HEPACAM: variants seen among roughly 807,000 people sequenced by gnomAD.
The protein encoded by HEPACAM is hepatic and glial cell adhesion molecule.
HEPACAM carries 18 observed loss-of-function variants against 38.3 expected under a neutral mutation model. The ratio of observed to expected loss-of-function variants is 0.47; its 90% CI spans 0.33 to 0.70. HEPACAM has a LOEUF of 0.70. Among genes scored for constraint, HEPACAM ranks in the 30% least tolerant of loss-of-function variants. HEPACAM has a pLI of 0.03. For synonymous variants in HEPACAM, 216 were observed against 243.1 expected (o/e 0.89, Z 1.04); for missense variants, 466 against 563.0 (o/e 0.83, Z 1.74).
intron 1 of HEPACAM, among the ~76,000 whole-genome samples, chr11:124,931,936 A>G (rs894842487): frequency 6.6e-6 from 1 of 152,240 alleles, no homozygotes; most frequent in African/African-American, 2.4e-5. Context: ...ATAAACTACG[A>G]CAACTTAGAT....
intron 1 of HEPACAM, among the ~76,000 whole-genome samples, chr11:124,933,010 C>T (rs750294546): frequency 7.2e-5 from 11 of 152,024 alleles, no homozygotes; most frequent in Non-Finnish European, 1.6e-4. Flanking sequence ...TTATTGGTCC[C>T]AGAAGCAAAC....
rs1947343025 is a variant in HEPACAM, at chr11:124,936,040, A to G, written c.-34T>C. 2.5e-6 allele frequency: 4 copies of G among 1,578,516 alleles called. No homozygotes were observed. The highest frequency in any genetic ancestry group is 3.5e-6 in the Non-Finnish European group (4 of 1,148,640). ...GCGTTCTCCAGCTCTAGTGCAGACA[A>G]TTAGCATGATTTCTCCACTCTGGGC... On this transcript the variant is annotated 5_prime_UTR_variant, in exon 1 of 7. Coordinates refer to ENST00000298251, the MANE Select transcript of HEPACAM (RefSeq NM_152722.5).
chr11:124,919,687 G>T lies in HEPACAM; in HGVS notation c.*1451C>A. ...GGCATGCTGTGGGGTTCAGGGCAGA[G>T]GGGGCAAACTAGAAATGTCAGTGCC... is the stretch of plus-strand genomic sequence containing the variant. On this transcript the variant is annotated 3_prime_UTR_variant, in exon 7 of 7. Coordinates refer to ENST00000298251, the MANE Select transcript of HEPACAM (RefSeq NM_152722.5). The T allele has an allele frequency of 6.4e-7, 1 of 1,573,846 alleles. No homozygotes were observed. The highest frequency in any genetic ancestry group is 8.6e-7 in the Non-Finnish European group (1 of 1,157,390).
chr11:124,924,662 C>T lies in HEPACAM; in HGVS notation c.427+66G>A, dbSNP rs955595927. The T allele has an allele frequency of 7.1e-5, 101 of 1,422,902 alleles. No individual in the cohort carries two copies. Among genetic ancestry groups the T allele is most frequent in the Non-Finnish European group, 8.6e-5 (87 of 1,007,990 alleles). The allele number at this position is 1,422,902 out of a possible 1,614,324, so 88.1% of individuals were successfully genotyped here. A position where few individuals can be genotyped will look rare whatever the true frequency, so the allele number is the denominator to read the frequency against. ...TGGTTTTCCCTCAGTCTAGCTGGTG[C>T]GCTGGGCAGACCTTTCCCTAGTCCC... On this transcript the variant is annotated intron_variant, in intron 2 of 6. Coordinates refer to ENST00000298251, the MANE Select transcript of HEPACAM (RefSeq NM_152722.5). This position sits in a 1 kb window ranked among gnomAD's most constrained non-coding sequence, Gnocchi z 4.4.
chr11:124,920,098 T>G lies in HEPACAM; in HGVS notation c.*1040A>C, dbSNP rs1021832211. 1 of 1,463,220 alleles carries G rather than the reference T, an allele frequency of 6.8e-7. No homozygotes were observed. Among genetic ancestry groups the G allele is most frequent in the African/African-American group, 1.4e-5 (1 of 70,916 alleles). 90.6% of individuals were successfully genotyped at this position (1,463,220 alleles called of 1,614,324 possible). On this transcript the variant is annotated 3_prime_UTR_variant, in exon 7 of 7. Coordinates refer to ENST00000298251, the MANE Select transcript of HEPACAM (RefSeq NM_152722.5). The stretch of plus-strand genomic sequence containing the variant: ...AGATGGGTGGCAGGAGGCCAGGGGT[T>G]GGATCATGTTCCCCCCAAATGCTGG...
chr11:124,931,824 G>A (rs921497153), intron 1 of HEPACAM, among the ~76,000 whole-genome samples: 1 of 152,206 alleles, frequency 6.6e-6, no homozygotes, highest in African/African-American at 2.4e-5. Context: ...GGCTAAGTTG[G>A]TTGGATTGGT....
At chr11:124,930,147 G>A (rs1947265517) in intron 1 of HEPACAM, among the ~76,000 whole-genome samples, 1 of 152,166 alleles carries the variant, frequency 6.6e-6, no homozygotes, top group Non-Finnish European at 1.5e-5. Context: ...TTTATGGTGT[G>A]GTAGCCAGAA....
At chr11:124,933,605 C>T (rs760148406) in intron 1 of HEPACAM, among the ~76,000 whole-genome samples, 7 of 152,116 alleles carry the variant, frequency 4.6e-5, no homozygotes, top group Non-Finnish European at 1.0e-4. Context: ...ATTTGATGAC[C>T]GGAAAGAGTT....
At chr11:124,925,862 C>T (rs1004990416) in intron 1 of HEPACAM, among the ~76,000 whole-genome samples, 1 of 152,174 alleles carries the variant, frequency 6.6e-6, no homozygotes. Context: ...CTCTTACTGG[C>T]TATGTGGATT....
chr11:124,922,454 G>C lies in HEPACAM; in HGVS notation c.882C>G (p.Asp294Glu). The stretch of plus-strand genomic sequence containing the variant: ...CCTGCTCACCACTTCGAGGGAGGGT[G>C]TCTGCTGCACAGGGGAGAGAAGCGG... ...QNDDRLKPEA[D>E]TLPRSGEQER... is the part of the protein sequence containing the mutation. Residue 294 changes from aspartate to glutamate, a missense_variant, in exon 6 of 7, where the codon GAC (aspartate) becomes GAG (glutamate). Physicochemically the swap from Asp to Glu is conservative, Grantham distance 45. Coordinates refer to ENST00000298251, the MANE Select transcript of HEPACAM (RefSeq NM_152722.5). 2 of 1,614,146 alleles carry C rather than the reference G, an allele frequency of 1.2e-6. No homozygotes were observed. The highest frequency in any genetic ancestry group is 1.7e-6 in the Non-Finnish European group (2 of 1,179,998).
In HEPACAM at chr11:124,920,849, C is replaced by T. The variant is rs1174947359; in HGVS notation, c.*289G>A. 1 of 1,233,648 alleles carries T rather than the reference C, an allele frequency of 8.1e-7. No individual in the cohort carries two copies. Among genetic ancestry groups the T allele is most frequent in the Non-Finnish European group, 1.0e-6 (1 of 987,644 alleles). 76.4% of individuals were successfully genotyped at this position (1,233,648 alleles called of 1,614,324 possible). A position where few individuals can be genotyped will look rare whatever the true frequency, so the allele number is the denominator to read the frequency against. On this transcript the variant is annotated 3_prime_UTR_variant, in exon 7 of 7. Transcript: ENST00000298251. ...CATAAAACCCTTTTGGGTATTGGGC[C>T]AGAAATGTAATAATCTATGTGGTCC...
Position 124,919,993 on chromosome 11 carries a change from C to A in HEPACAM, c.*1145G>T, listed in dbSNP as rs1442886731. The A allele has an allele frequency of 1.9e-6, 3 of 1,613,142 alleles. No homozygotes were observed. The highest frequency in any genetic ancestry group is 2.5e-6 in the Non-Finnish European group (3 of 1,179,968). On this transcript the variant is annotated 3_prime_UTR_variant, in exon 7 of 7. Coordinates refer to ENST00000298251, the MANE Select transcript of HEPACAM (RefSeq NM_152722.5). ...ATGTCCTGGCTACACAGCGGCCCAGCCTCTTTATTTTGATGTTAGTGTGAT... is the reference window on the plus strand; with the variant it reads ...ATGTCCTGGCTACACAGCGGCCCAGACTCTTTATTTTGATGTTAGTGTGAT...
rs886047930 is a variant in HEPACAM, at chr11:124,921,021, G to GC, written c.*116dup. ...ACACGTTCACACCCGAGACACCAGC[G>GC]CCCCCCCGGGACCTCCCCTCGTCCC... is the stretch of plus-strand genomic sequence containing the variant. On this transcript the variant is annotated 3_prime_UTR_variant, in exon 7 of 7. Coordinates refer to ENST00000298251, the MANE Select transcript of HEPACAM (RefSeq NM_152722.5). The surrounding 1 kb of genome is among the most constrained non-coding windows in gnomAD (Gnocchi z 4.6). The GC allele has an allele frequency of 2.8e-4, 397 of 1,395,986 alleles. No homozygotes were observed. The Middle Eastern group carries it at 4.0e-3, about 14-fold the overall frequency. 86.5% of individuals were successfully genotyped at this position (1,395,986 alleles called of 1,614,324 possible).
At chr11:124,932,707 C>T (rs1335383849) in intron 1 of HEPACAM, among the ~76,000 whole-genome samples, 2 of 152,142 alleles carry the variant, frequency 1.3e-5, no homozygotes, top group Admixed American at 6.5e-5. Flanking sequence ...GGCCATGTGA[C>T]TGAGTCGTAG....
chr11:124,927,648 C>G (rs139981382), intron 1 of HEPACAM, among the ~76,000 whole-genome samples: 1 of 151,740 alleles, frequency 6.6e-6, no homozygotes, highest in Admixed American at 6.6e-5. Context: ...GGATTACAGG[C>G]GTGGGCCATT....
Position 124,920,080 on chromosome 11 carries a change from T to TG in HEPACAM, c.*1057dup. 6.5e-7 allele frequency: 1 copy of TG among 1,541,788 alleles called. No homozygotes were observed. The highest frequency in any genetic ancestry group is 8.8e-7 in the Non-Finnish European group (1 of 1,137,276). ...AGCATGTGGGAGCAGGGCAGATGGG[T>TG]GGCAGGAGGCCAGGGGTTGGATCAT... On this transcript the variant is annotated 3_prime_UTR_variant, in exon 7 of 7. Coordinates refer to ENST00000298251, the MANE Select transcript of HEPACAM (RefSeq NM_152722.5).
In HEPACAM at chr11:124,920,677, GCAAAAAAAAAAAAAAA is replaced by G. The variant is rs1947118365; in HGVS notation, c.*445_*460del. 9.3e-6 allele frequency: 1 copy of G among 107,840 alleles called. No homozygotes were observed. The highest frequency in any genetic ancestry group is 1.2e-5 in the Non-Finnish European group (1 of 83,438). The allele number at this position is 107,840 out of a possible 1,614,324, so 6.7% of individuals were successfully genotyped here. Reference sequence around the variant, plus strand: ...AAAGTGGCCTCTCTAATCTGAACTTGCAAAAAAAAAAAAAAAAAAAAAAAAAAAAAAAGTGCCCCAG... The same window carrying G: ...AAAGTGGCCTCTCTAATCTGAACTTGAAAAAAAAAAAAAAAAGTGCCCCAG... On this transcript the variant is annotated 3_prime_UTR_variant, in exon 7 of 7. Transcript: ENST00000298251.
At chr11:124,932,927 C>G (rs979940850) in intron 1 of HEPACAM, among the ~76,000 whole-genome samples, 2 of 152,194 alleles carry the variant, frequency 1.3e-5, no homozygotes, top group Non-Finnish European at 2.9e-5. Flanking sequence ...TAGAGTCCTT[C>G]CTCTTCCCAG....
In HEPACAM at chr11:124,924,061, C is replaced by T. The variant is rs369385245; in HGVS notation, c.428-51G>A. 3.2e-6 allele frequency: 5 copies of T among 1,549,334 alleles called. No homozygotes were observed. Among genetic ancestry groups the T allele is most frequent in the Admixed American group, 3.8e-5 (2 of 53,284 alleles). ...GTAAGTCATTGGCTAAGAAGTGTCT[C>T]CCTTCCCCTTTTTAGCTCCCTGCCT... On this transcript the variant is annotated intron_variant, in intron 2 of 6. Transcript: ENST00000298251. This position sits in a 1 kb window ranked among gnomAD's most constrained non-coding sequence, Gnocchi z 4.4.
Sources: allele counts gnomAD v4.1 joint callset (sites outside exome capture counted in the v4.1 genomes callset), GRCh38; gene constraint gnomAD v4.1.1; non-coding constraint Gnocchi (gnomAD v3.1); transcripts MANE v1.5; gene names NCBI Gene and HGNC (gene_info 2026-07-23, HGNC 2026-07-21).